Variants in TACR3 observed in about 807,000 individuals in gnomAD.
The protein encoded by TACR3 is neuromedin-K receptor.
In TACR3, 34 loss-of-function variants were observed where a neutral mutation model predicts 35.0. The ratio of observed to expected loss-of-function variants is 0.97; its 90% CI spans 0.74 to 1.30. The LOEUF is 1.30. TACR3 is among the 50% of genes most tolerant of loss of function. TACR3 has a pLI of 0.00. For synonymous variants in TACR3, 233 were observed against 221.1 expected, an observed-to-expected ratio of 1.05 and a Z score of -0.48; for missense variants, 558 against 591.7, an observed-to-expected ratio of 0.94 and a Z score of 0.59.
chr4:103,657,373 A>G (rs1034672338), intron 2 of TACR3, among the ~76,000 whole-genome samples: 1 of 152,052 alleles, frequency 6.6e-6, no homozygotes, highest in Non-Finnish European at 1.5e-5. Flanking sequence ...TACAATTAAG[A>G]TGTATTAATA....
At chr4:103,681,861 G>C (rs1166374253) in intron 1 of TACR3, among the ~76,000 whole-genome samples, 2 of 151,742 alleles carry the variant, frequency 1.3e-5, no homozygotes, top group Admixed American at 6.6e-5. Context: ...TTCTAGAATA[G>C]AAAACAAAAT....
chr4:103,629,850 C>A (rs7440551), intron 3 of TACR3, among the ~76,000 whole-genome samples: 43,109 of 87,320 alleles, frequency 0.49, 8,077 homozygotes, highest in African/African-American at 0.54. Flanking sequence ...CTAAGCAAAA[C>A]AAAAAAAAAA....
chr4:103,613,274 T>C (rs1348637491), intron 3 of TACR3, among the ~76,000 whole-genome samples: 1 of 152,214 alleles, frequency 6.6e-6, no homozygotes, highest in East Asian at 1.9e-4. Context: ...TAAATATCTG[T>C]GTGATAAAGC....
intron 3 of TACR3, among the ~76,000 whole-genome samples, chr4:103,629,969 A>C (rs973919228): frequency 1.3e-5 from 2 of 152,194 alleles, no homozygotes; most frequent in African/African-American, 4.8e-5. Flanking sequence ...CCAAAACAGC[A>C]TGGTACTGGT....
chr4:103,617,136 A>G (rs1399200773), intron 3 of TACR3, among the ~76,000 whole-genome samples: 1 of 152,202 alleles, frequency 6.6e-6, no homozygotes, highest in Non-Finnish European at 1.5e-5. Flanking sequence ...ATGTGAATAA[A>G]TAGAAAAATG....
chr4:103,620,029 A>G (rs1309100551), intron 3 of TACR3, among the ~76,000 whole-genome samples: 1 of 152,024 alleles, frequency 6.6e-6, no homozygotes, highest in African/African-American at 2.4e-5. Flanking sequence ...TCTGGAATCT[A>G]TAGGGAACTT....
chr4:103,710,086 TAGACAGATCAACA>T (rs1002803727), intron 1 of TACR3, among the ~76,000 whole-genome samples: 2 of 152,098 alleles, frequency 1.3e-5, no homozygotes, highest in African/African-American at 4.8e-5. Flanking sequence ...CTGTCAACAT[TAGACAGATCAACA>T]AGACAGAAAG....
At chr4:103,687,663 T>A (rs1364078408) in intron 1 of TACR3, among the ~76,000 whole-genome samples, 3 of 152,056 alleles carry the variant, frequency 2.0e-5, no homozygotes, top group Non-Finnish European at 4.4e-5. Flanking sequence ...TCAAAGAGAA[T>A]AAAATACCTA....
At chr4:103,667,328 A>C (rs541238482) in intron 1 of TACR3, among the ~76,000 whole-genome samples, 19 of 152,300 alleles carry the variant, frequency 1.2e-4, no homozygotes, top group African/African-American at 3.8e-4. Context: ...ACATACAGGT[A>C]CTGAAGAGGA....
intron 3 of TACR3, among the ~76,000 whole-genome samples, chr4:103,625,289 C>T (rs557365107): frequency 2.0e-5 from 3 of 152,040 alleles, no homozygotes; most frequent in Admixed American, 6.5e-5. Context: ...GAGACATTTA[C>T]AGAGTGCTCT....
At chr4:103,622,823 G>A (rs17303569) in intron 3 of TACR3, among the ~76,000 whole-genome samples, 12,891 of 152,168 alleles carry the variant, frequency 0.085, 674 homozygotes, top group Non-Finnish European at 0.12. Flanking sequence ...GTGGAGTTAT[G>A]GAGCTCAGTA....
intron 1 of TACR3, among the ~76,000 whole-genome samples, chr4:103,684,335 C>T (rs910640890): frequency 2.0e-5 from 3 of 152,128 alleles, no homozygotes; most frequent in East Asian, 3.9e-4. Context: ...CCAAAAATCC[C>T]CACATAGACC....
At chr4:103,715,565 A>G (rs529303840) in intron 1 of TACR3, among the ~76,000 whole-genome samples, 81 of 152,282 alleles carry the variant, frequency 5.3e-4, no homozygotes, top group South Asian at 4.8e-3. Context: ...CAATGTGAGA[A>G]CAGACTAACA....
intron 1 of TACR3, among the ~76,000 whole-genome samples, chr4:103,687,244 T>C (rs1468232116): frequency 6.6e-6 from 1 of 152,086 alleles, no homozygotes; most frequent in Non-Finnish European, 1.5e-5. Flanking sequence ...ATGGGACGTA[T>C]CTCAAAATAA....
At chr4:103,658,763 AT>A (rs1208997042) in intron 1 of TACR3, among the ~76,000 whole-genome samples, 1 of 152,030 alleles carries the variant, frequency 6.6e-6, no homozygotes, top group African/African-American at 2.4e-5. Context: ...ATGGAAGATA[AT>A]TTTTTTCCAT....
intron 3 of TACR3, among the ~76,000 whole-genome samples, chr4:103,614,164 T>C (rs772162199): frequency 6.6e-6 from 1 of 152,214 alleles, no homozygotes; most frequent in Non-Finnish European, 1.5e-5. Flanking sequence ...GTTCTATTAC[T>C]TTCTAGACTT....
intron 3 of TACR3, among the ~76,000 whole-genome samples, chr4:103,639,698 C>T (rs1235763500): frequency 6.6e-6 from 1 of 151,892 alleles, no homozygotes; most frequent in African/African-American, 2.4e-5. Flanking sequence ...CAGTATAATA[C>T]AGAGAGAAAG....
At chr4:103,601,728 G>A (rs1269719260) in intron 3 of TACR3, among the ~76,000 whole-genome samples, 2 of 152,142 alleles carry the variant, frequency 1.3e-5, no homozygotes, top group Non-Finnish European at 2.9e-5. Flanking sequence ...CTCTCTTCTG[G>A]CTTGTAGAGT....
chr4:103,624,326 A>G (rs2110306055), intron 3 of TACR3: 1 of 152,312 alleles, frequency 6.6e-6, no homozygotes, highest in East Asian at 1.9e-4. Flanking sequence ...AGAGATTTAT[A>G]TAAGACTGCC....
Sources: allele counts gnomAD v4.1 joint callset (sites outside exome capture counted in the v4.1 genomes callset), GRCh38; gene constraint gnomAD v4.1.1; transcripts MANE v1.5; gene names NCBI Gene and HGNC (gene_info 2026-07-23, HGNC 2026-07-21).